Variants in WAC observed in about 807,000 individuals in gnomAD.
WAC encodes WW domain-containing adapter protein with coiled-coil.
In WAC, 11 loss-of-function variants were observed where a neutral mutation model predicts 79.6. That is an observed-to-expected ratio of 0.14 (90% CI 0.09 to 0.23). The LOEUF (loss-of-function observed/expected upper bound fraction) is 0.23, where lower values mean the gene tolerates loss of function less well. Among genes scored for constraint, WAC ranks in the 10% least tolerant of loss-of-function variants. The pLI, the probability that WAC is intolerant of heterozygous loss-of-function variation, is 1.00. For synonymous variants in WAC, 304 were observed against 276.9 expected (o/e 1.10, Z -0.97); for missense variants, 728 against 773.5 (o/e 0.94, Z 0.70).
At chr10:28,535,870 A>G in intron 3 of WAC, 113 bp downstream of exon 3, 3 of 909,354 alleles carry the variant, frequency 3.3e-6, no homozygotes, top group Non-Finnish European at 4.8e-6. Flanking sequence ...ATGTCATTAA[A>G]ATATTTTAAT....
At chr10:28,572,220 C>G (rs2132555502) in intron 3 of WAC, among the ~76,000 whole-genome samples, 1 of 151,736 alleles carries the variant, frequency 6.6e-6, no homozygotes, top group East Asian at 1.9e-4. Flanking sequence ...GCATGTAATC[C>G]CAGCTACTTG....
intron 7 of WAC, among the ~76,000 whole-genome samples, chr10:28,603,886 A>T (rs1589229702): frequency 1.4e-5 from 2 of 144,940 alleles, no homozygotes; most frequent in East Asian, 4.1e-4. Flanking sequence ...GTTAGCTGAG[A>T]TTGCACCACT....
intron 5 of WAC, 34 bp downstream of exon 5, chr10:28,589,885 C>A (rs757983562): frequency 7.4e-6 from 11 of 1,482,824 alleles, no homozygotes; most frequent in Non-Finnish European, 1.0e-5. Context: ...AACATTATTT[C>A]TCTAGCTTGG....
At chr10:28,612,961 AT>A in intron 10 of WAC, among the ~76,000 whole-genome samples, 1 of 152,196 alleles carries the variant, frequency 6.6e-6, no homozygotes, top group Non-Finnish European at 1.5e-5. Flanking sequence ...TATTGGTTTT[AT>A]AGTCACTTGT....
At chr10:28,557,966 T>C (rs907954830) in intron 3 of WAC, among the ~76,000 whole-genome samples, 1 of 151,974 alleles carries the variant, frequency 6.6e-6, no homozygotes, top group Non-Finnish European at 1.5e-5. Flanking sequence ...CCCAGCTACT[T>C]GGGAGGCTGA....
chr10:28,537,532 T>C (rs1043306988), intron 3 of WAC: 1 of 152,240 alleles, frequency 6.6e-6, no homozygotes, highest in Non-Finnish European at 1.5e-5. Flanking sequence ...TTTTCAGTTA[T>C]AAATGCTTTC....
chr10:28,551,818 G>C (rs988998606), intron 3 of WAC, among the ~76,000 whole-genome samples: 29 of 124,618 alleles, frequency 2.3e-4, no homozygotes, highest in African/African-American at 8.6e-4. Context: ...GTGTGTGTGT[G>C]TTTCTTTTTT....
intron 3 of WAC, among the ~76,000 whole-genome samples, chr10:28,546,650 G>A (rs1183125852): frequency 6.6e-6 from 1 of 152,000 alleles, no homozygotes; most frequent in Non-Finnish European, 1.5e-5. Flanking sequence ...AATTATGAGA[G>A]TTCCTTTTTT....
At chr10:28,556,194 G>T (rs756441162) in intron 3 of WAC, among the ~76,000 whole-genome samples, 9 of 151,856 alleles carry the variant, frequency 5.9e-5, no homozygotes, top group Non-Finnish European at 1.3e-4. Context: ...GTGTACAAAG[G>T]TTCCCTCCTC....
chr10:28,574,433 C>G (rs1839139464), intron 3 of WAC, among the ~76,000 whole-genome samples: 1 of 151,926 alleles, frequency 6.6e-6, no homozygotes, highest in African/African-American at 2.4e-5. Context: ...CAGGAGTGAG[C>G]CAGTGTGCAC....
chr10:28,604,795 T>C (rs563067167), intron 7 of WAC, among the ~76,000 whole-genome samples: 1 of 152,160 alleles, frequency 6.6e-6, no homozygotes, highest in South Asian at 2.1e-4. Context: ...ATAATAAATG[T>C]TATGTAATAG....
At chr10:28,597,329 TTTC>T (rs1840429602) in intron 7 of WAC, among the ~76,000 whole-genome samples, 1 of 152,188 alleles carries the variant, frequency 6.6e-6, no homozygotes, top group Non-Finnish European at 1.5e-5. Context: ...GACATTTTGG[TTTC>T]TTAAGTTCCT....
At chr10:28,611,341 G>C in intron 9 of WAC, 1 of 1,294,718 alleles carries the variant, frequency 7.7e-7, no homozygotes, top group Non-Finnish European at 1.0e-6. Context: ...TCAGAAAGCT[G>C]ATAAACAGCA....
At chr10:28,561,182 A>G (rs1338283038) in intron 3 of WAC, among the ~76,000 whole-genome samples, 2 of 152,194 alleles carry the variant, frequency 1.3e-5, no homozygotes, top group Non-Finnish European at 2.9e-5. Flanking sequence ...ATATTTCAAA[A>G]TATTTTAGCT....
intron 3 of WAC, among the ~76,000 whole-genome samples, chr10:28,546,144 T>G (rs1385464817): frequency 3.3e-5 from 5 of 152,218 alleles, no homozygotes; most frequent in African/African-American, 1.2e-4. Flanking sequence ...TGTATGACAG[T>G]GCCAAAAGAG....
In WAC at chr10:28,599,133, C is replaced by T. The variant is rs559370233; in HGVS notation, c.919+3092C>T. ...ATCCATGTTATTTAAATTAAGCTTTCTATTGACTCTTCTCATCAGTAGATG... is the reference window on the plus strand; with the variant it reads ...ATCCATGTTATTTAAATTAAGCTTTTTATTGACTCTTCTCATCAGTAGATG... On this transcript the variant is annotated intron_variant, in intron 7 of 13. Transcript: ENST00000354911. Among the ~76,000 whole-genome samples, 773 of 152,186 alleles carry T rather than the reference C, an allele frequency of 5.1e-3. 3 individuals carry two copies. Among genetic ancestry groups the T allele is most frequent in the Middle Eastern group, 0.017 (5 of 294 alleles).
chr10:28,551,173 C>T (rs1006840734), intron 3 of WAC, among the ~76,000 whole-genome samples: 2 of 152,108 alleles, frequency 1.3e-5, no homozygotes, highest in Non-Finnish European at 2.9e-5. Context: ...ATTCAGTAAG[C>T]TTTTTGAAGC....
intron 6 of WAC, among the ~76,000 whole-genome samples, chr10:28,592,555 A>T (rs939614787): frequency 6.6e-6 from 1 of 152,108 alleles, no homozygotes; most frequent in Non-Finnish European, 1.5e-5. Context: ...CAGGAGGTGG[A>T]GGTTGCTGTG....
In WAC at chr10:28,617,790, T is replaced by G. The variant is rs760856130; in HGVS notation, c.1874+6T>G. 3.2e-6 allele frequency: 5 copies of G among 1,574,398 alleles called. No individual in the cohort carries two copies. Among genetic ancestry groups the G allele is most frequent in the African/African-American group, 1.4e-5 (1 of 72,568 alleles). On this transcript the variant is annotated splice_donor_region_variant and intron_variant, in intron 13 of 13. Transcript: ENST00000354911. ...GCAACTTTGCGAGAGCAAAGGTAAG[T>G]CTTTCACTGAAATATATTTTTATGT...
Sources: allele counts gnomAD v4.1 joint callset (sites outside exome capture counted in the v4.1 genomes callset), GRCh38; gene constraint gnomAD v4.1.1; transcripts MANE v1.5; gene names NCBI Gene and HGNC (gene_info 2026-07-23, HGNC 2026-07-21).